The following NAALADL2 variants were observed in gnomAD, a reference collection of about 807,000 sequenced individuals.
The protein encoded by NAALADL2 is N-acetylated alpha-linked acidic dipeptidase like 2.
Under a neutral mutation model 87.2 loss-of-function variants are expected in NAALADL2, and 76 were observed. That is an observed-to-expected ratio of 0.87 (90% CI 0.72 to 1.05). NAALADL2 has a LOEUF of 1.05. Among genes scored for constraint, NAALADL2 ranks in the 50% least tolerant of loss-of-function variants. The probability of loss-of-function intolerance (pLI) is 0.00; values close to 1 mark genes in which losing one functional copy is unlikely to be tolerated. For missense variants in NAALADL2, 1,089 were observed against 945.8 expected (o/e 1.15, Z -1.99); for synonymous variants, 354 against 331.0 (o/e 1.07, Z -0.75).
At chr3:175,423,594 A>T (rs1228344925) in intron 5 of NAALADL2, among the ~76,000 whole-genome samples, 1 of 151,990 alleles carries the variant, frequency 6.6e-6, no homozygotes, top group Non-Finnish European at 1.5e-5. Context: ...AAGGACATGA[A>T]CTCATCATTT....
intron 1 of NAALADL2, among the ~76,000 whole-genome samples, chr3:174,905,634 C>A (rs1480210549): frequency 6.6e-6 from 1 of 151,946 alleles, no homozygotes; most frequent in Non-Finnish European, 1.5e-5. Context: ...TTCCATTTAA[C>A]AAAGCAAAAC....
At chr3:175,291,898 T>C (rs1210850155) in intron 4 of NAALADL2, among the ~76,000 whole-genome samples, 2 of 152,226 alleles carry the variant, frequency 1.3e-5, no homozygotes, top group Non-Finnish European at 2.9e-5. Context: ...TATTTATACA[T>C]GTTTTAAGAA....
chr3:175,311,074 C>G (rs12633650), intron 4 of NAALADL2, among the ~76,000 whole-genome samples: 31,714 of 151,900 alleles, frequency 0.21, 3,636 homozygotes, highest in Middle Eastern at 0.25. Context: ...ATTCTTTTCA[C>G]TTCATAAACC....
intron 12 of NAALADL2, among the ~76,000 whole-genome samples, chr3:175,742,914 G>A (rs1459555213): frequency 6.6e-6 from 1 of 151,892 alleles, no homozygotes; most frequent in African/African-American, 2.4e-5. Flanking sequence ...GGACAAGGAT[G>A]TTTCTTTTCT....
chr3:175,377,958 C>T (rs1767353215), intron 5 of NAALADL2, among the ~76,000 whole-genome samples: 1 of 152,176 alleles, frequency 6.6e-6, no homozygotes, highest in Admixed American at 6.5e-5. Context: ...CTGCATTTAC[C>T]ATCATTCAAA....
chr3:175,688,611 G>A (rs1736631220), intron 11 of NAALADL2, among the ~76,000 whole-genome samples: 1 of 152,116 alleles, frequency 6.6e-6, no homozygotes, highest in Admixed American at 6.6e-5. Flanking sequence ...AGAGACACAG[G>A]GATCATCTCT....
At chr3:174,708,350 C>G (rs1004756206) in intron 2 of NAALADL2, among the ~76,000 whole-genome samples, 39 of 152,186 alleles carry the variant, frequency 2.6e-4, no homozygotes, top group African/African-American at 9.4e-4. Context: ...ACATAGTTTA[C>G]TGCTTGCCAA....
intron 1 of NAALADL2, among the ~76,000 whole-genome samples, chr3:174,861,706 C>G (rs1726528218): frequency 6.6e-6 from 1 of 152,014 alleles, no homozygotes; most frequent in African/African-American, 2.4e-5. Context: ...TCTAGATTTT[C>G]TAGATTCACT....
chr3:174,468,155 T>G (rs1020939681), intron 1 of NAALADL2, among the ~76,000 whole-genome samples: 10 of 152,228 alleles, frequency 6.6e-5, no homozygotes, highest in Non-Finnish European at 8.8e-5. Flanking sequence ...GTTCATTTAA[T>G]TCCAAAAAGA....
intron 9 of NAALADL2, among the ~76,000 whole-genome samples, chr3:175,540,239 A>G (rs1018600672): frequency 5.3e-5 from 8 of 152,198 alleles, no homozygotes; most frequent in African/African-American, 1.9e-4. Flanking sequence ...TCATCAAGAA[A>G]GATCTTTCTA....
At chr3:175,387,680 T>A (rs547774349) in intron 5 of NAALADL2, among the ~76,000 whole-genome samples, 7 of 152,182 alleles carry the variant, frequency 4.6e-5, no homozygotes, top group African/African-American at 1.4e-4. Context: ...ACTAAAAGAA[T>A]GATTTGTGTT....
intron 12 of NAALADL2, among the ~76,000 whole-genome samples, chr3:175,737,870 A>G (rs2150084606): frequency 6.6e-6 from 1 of 152,034 alleles, no homozygotes; most frequent in East Asian, 1.9e-4. Context: ...TAGATCAAAG[A>G]TGATAAAGAA....
chr3:174,601,886 C>A (rs909914236), intron 2 of NAALADL2, among the ~76,000 whole-genome samples: 4 of 152,050 alleles, frequency 2.6e-5, no homozygotes, highest in African/African-American at 4.8e-5. Flanking sequence ...TTTCTAACAC[C>A]ATTTGTTTAA....
intron 13 of NAALADL2, among the ~76,000 whole-genome samples, chr3:175,800,539 C>G (rs1293969093): frequency 6.6e-6 from 1 of 151,984 alleles, no homozygotes; most frequent in Non-Finnish European, 1.5e-5. Context: ...TCTCTCTATT[C>G]AAGAATCCTC....
At chr3:175,036,890 C>G (rs904369015) in intron 1 of NAALADL2, among the ~76,000 whole-genome samples, 1 of 149,464 alleles carries the variant, frequency 6.7e-6, no homozygotes, top group African/African-American at 2.5e-5. Context: ...TTCTCCTCAC[C>G]AAAAGCTGAG....
chr3:174,583,407 G>T (rs1468474991), intron 2 of NAALADL2, among the ~76,000 whole-genome samples: 1 of 152,174 alleles, frequency 6.6e-6, no homozygotes, highest in Non-Finnish European at 1.5e-5. Context: ...AGATATTTTA[G>T]TTAACCCAAA....
intron 3 of NAALADL2, among the ~76,000 whole-genome samples, chr3:174,772,341 T>C (rs1306884999): frequency 1.3e-5 from 2 of 152,164 alleles, no homozygotes. Flanking sequence ...ATTTTCACTG[T>C]GGTTTTATTT....
chr3:174,806,524 T>C (rs998126429), intron 3 of NAALADL2, among the ~76,000 whole-genome samples: 2 of 152,192 alleles, frequency 1.3e-5, no homozygotes, highest in East Asian at 1.9e-4. Context: ...AACAAGTCTT[T>C]CCTGAAGAGA....
chr3:174,937,321 A>G (rs913880723), intron 1 of NAALADL2, among the ~76,000 whole-genome samples: 1 of 152,042 alleles, frequency 6.6e-6, no homozygotes, highest in Admixed American at 6.6e-5. Context: ...AAACAGTACC[A>G]TAACAGGGTA....
Sources: gnomAD v4.1 joint callset for allele counts (sites outside exome capture counted in the v4.1 genomes callset) on GRCh38, gnomAD v4.1.1 for gene constraint, MANE v1.5 for transcripts, NCBI Gene and HGNC (gene_info 2026-07-23, HGNC 2026-07-21) for gene names.